PXYLP1: variants seen among roughly 807,000 people sequenced by gnomAD.
The protein encoded by PXYLP1 is acid phosphatase-like 2.
Under a neutral mutation model 37.9 loss-of-function variants are expected in PXYLP1, and 17 were observed. The observed-to-expected ratio is 0.45, with a 90% confidence interval of 0.31 to 0.67. The LOEUF (loss-of-function observed/expected upper bound fraction) is 0.67, where lower values mean the gene tolerates loss of function less well. Among genes scored for constraint, PXYLP1 ranks in the 30% least tolerant of loss-of-function variants. PXYLP1 has a pLI of 0.07. For missense variants in PXYLP1, 511 were observed against 612.0 expected, an observed-to-expected ratio of 0.84 and a Z score of 1.74; for synonymous variants, 221 against 232.2, an observed-to-expected ratio of 0.95 and a Z score of 0.44.
At chr3:141,255,773 T>G (rs1329479180) in intron 1 of PXYLP1, among the ~76,000 whole-genome samples, 1 of 152,192 alleles carries the variant, frequency 6.6e-6, no homozygotes, top group African/African-American at 2.4e-5. Context: ...AGGAGCCTCC[T>G]ACCTACCTGG....
chr3:141,249,963 G>GA (rs573041849), intron 1 of PXYLP1, among the ~76,000 whole-genome samples: 8 of 151,238 alleles, frequency 5.3e-5, no homozygotes, highest in Non-Finnish European at 8.8e-5. Context: ...TGTAGAGTTG[G>GA]AAAAAAAATC....
chr3:141,293,373 C>A lies in PXYLP1; in HGVS notation c.*168C>A. 1.5e-6 allele frequency: 1 copy of A among 680,312 alleles called. No homozygotes were observed. The allele number at this position is 680,312 out of a possible 1,614,324, so 42.1% of individuals were successfully genotyped here. On this transcript the variant is annotated 3_prime_UTR_variant, in exon 6 of 6. Transcript: ENST00000286353. Reference sequence around the variant, plus strand: ...GGGTTGAACAGTAAGCACATTGCTGCAATGTGGTACGTGAATTGCTTGGTA... The same window carrying A: ...GGGTTGAACAGTAAGCACATTGCTGAAATGTGGTACGTGAATTGCTTGGTA...
chr3:141,282,532 T>C (rs1941979232), intron 4 of PXYLP1, among the ~76,000 whole-genome samples: 1 of 151,212 alleles, frequency 6.6e-6, no homozygotes, highest in African/African-American at 2.5e-5. Context: ...CATTGTGTAT[T>C]GTCTGCTTCC....
At chr3:141,291,953 C>A (rs1233034149) in intron 5 of PXYLP1, among the ~76,000 whole-genome samples, 1 of 152,214 alleles carries the variant, frequency 6.6e-6, no homozygotes, top group Non-Finnish European at 1.5e-5. Flanking sequence ...TGACTTCGAA[C>A]CCTGAGACCA....
At chr3:141,265,666 G>A (rs1268701230) in intron 2 of PXYLP1, among the ~76,000 whole-genome samples, 1 of 152,190 alleles carries the variant, frequency 6.6e-6, no homozygotes, top group East Asian at 1.9e-4. Flanking sequence ...ATGGTATCGG[G>A]GGGACTCTAC....
At chr3:141,269,803 G>A (rs889219753) in intron 2 of PXYLP1, among the ~76,000 whole-genome samples, 9 of 152,186 alleles carry the variant, frequency 5.9e-5, no homozygotes, top group African/African-American at 2.2e-4. Context: ...TTTCTGTCTT[G>A]AGTGTGTGGT....
chr3:141,278,061 T>G (rs1385853896), intron 2 of PXYLP1, among the ~76,000 whole-genome samples: 1 of 152,144 alleles, frequency 6.6e-6, no homozygotes, highest in Non-Finnish European at 1.5e-5. Context: ...AGTGTGTGAG[T>G]TCTTCCTCCA....
intron 2 of PXYLP1, among the ~76,000 whole-genome samples, chr3:141,269,800 C>G (rs1050474979): frequency 3.3e-5 from 5 of 152,168 alleles, no homozygotes; most frequent in Non-Finnish European, 7.3e-5. Context: ...TAGTTTCTGT[C>G]TTGAGTGTGT....
At chr3:141,245,930 A>G (rs1940924614) in intron 1 of PXYLP1, among the ~76,000 whole-genome samples, 2 of 152,354 alleles carry the variant, frequency 1.3e-5, no homozygotes, top group Admixed American at 1.3e-4. Flanking sequence ...CAGAGCATTT[A>G]ATGTCAGTGG....
chr3:141,233,519 C>T (rs1377617723), intron 1 of PXYLP1, among the ~76,000 whole-genome samples: 2 of 148,668 alleles, frequency 1.3e-5, no homozygotes, highest in South Asian at 2.2e-4. Flanking sequence ...TGAAGATGCA[C>T]GGGACAGCCT....
intron 1 of PXYLP1, among the ~76,000 whole-genome samples, chr3:141,249,834 A>AAAT (rs1004013619): frequency 1.3e-5 from 2 of 152,078 alleles, no homozygotes; most frequent in Non-Finnish European, 2.9e-5. Flanking sequence ...CTATGTCAAA[A>AAAT]AATAATAATA....
At position 141,243,163 on chromosome 3, in the gene PXYLP1, T is replaced by TGCCTG. The variant is rs55734395; in HGVS notation, c.-54+11259_-54+11263dup. Among the ~76,000 whole-genome samples the TGCCTG allele has an allele frequency of 8.6e-3, 1,303 of 152,270 alleles. 9 individuals carry two copies. Among genetic ancestry groups the TGCCTG allele is most frequent in the Non-Finnish European group, 0.014 (923 of 68,004 alleles). On this transcript the variant is annotated intron_variant, in intron 1 of 5. Coordinates refer to ENST00000286353, the MANE Select transcript of PXYLP1 (RefSeq NM_001037172.3). ...ATAGCAGTGTAGGAGGGCCAGAGCCTGCCTGGCCTGGTCTACTGAACACAG... is the reference window on the plus strand; with the variant it reads ...ATAGCAGTGTAGGAGGGCCAGAGCCTGCCTGGCCTGGCCTGGTCTACTGAACACAG...
Position 141,278,361 on chromosome 3 carries a change from G to T in PXYLP1, c.99G>T (p.Ser33=), listed in dbSNP as rs754474855. The T allele has an allele frequency of 1.9e-6, 3 of 1,613,980 alleles. No individual in the cohort carries two copies. The highest frequency in any genetic ancestry group is 2.7e-5 in the African/African-American group (2 of 74,886). The change falls in exon 3 of 6, where the codon TCG becomes TCT. Residue 33 remains serine (S), a synonymous_variant. Transcript: ENST00000286353. ...TTTCAGTCCACCTGATCCCGGTGTC[G>T]ACTCCTAAGAATGGAATGAGTAGCA... The part of the protein sequence containing the change: ...SLQFFHLIPV[S]TPKNGMSSKS...
intron 4 of PXYLP1, among the ~76,000 whole-genome samples, chr3:141,281,960 C>T (rs962064234): frequency 6.6e-6 from 1 of 151,898 alleles, no homozygotes; most frequent in African/African-American, 2.4e-5. Context: ...GTGAGAGAGC[C>T]GGGCAGTGAA....
At chr3:141,251,633 G>A (rs1941142264) in intron 1 of PXYLP1, among the ~76,000 whole-genome samples, 1 of 152,232 alleles carries the variant, frequency 6.6e-6, no homozygotes, top group African/African-American at 2.4e-5. Context: ...GACAAGGACA[G>A]ATTGCTGGGT....
intron 2 of PXYLP1, among the ~76,000 whole-genome samples, chr3:141,263,335 T>A (rs1487516951): frequency 6.6e-6 from 1 of 152,272 alleles, no homozygotes; most frequent in African/African-American, 2.4e-5. Flanking sequence ...TGACTTGCTA[T>A]ATGCTAATTG....
intron 1 of PXYLP1, 87 bp from the exon 2 acceptor site, chr3:141,260,036 A>T (rs1462794793): frequency 2.2e-5 from 20 of 894,458 alleles, no homozygotes; most frequent in South Asian, 4.9e-5. Context: ...TCAGATTATT[A>T]TCAGTTGACA....
intron 5 of PXYLP1, among the ~76,000 whole-genome samples, chr3:141,288,895 CAATGAATG>C (rs548586683): frequency 1.3e-4 from 20 of 152,132 alleles, no homozygotes; most frequent in African/African-American, 4.8e-4. Flanking sequence ...GGCCCTGTCT[CAATGAATG>C]AATGAATGAA....
At position 141,279,515 on chromosome 3, in the gene PXYLP1, C is replaced by G; in HGVS notation, c.365+11C>G. On this transcript the variant is annotated intron_variant, in intron 4 of 5. Transcript: ENST00000286353. ...TCTGGTGGCTAACAGGTAAATTGCA[C>G]TTTTTCTAAAAGTCATTTTCAAGTG... 1 of 1,614,180 alleles carries G rather than the reference C, an allele frequency of 6.2e-7. No individual in the cohort carries two copies. Among genetic ancestry groups the G allele is most frequent in the Non-Finnish European group, 8.5e-7 (1 of 1,180,000 alleles).
Sources: allele counts gnomAD v4.1 joint callset (sites outside exome capture counted in the v4.1 genomes callset), GRCh38; gene constraint gnomAD v4.1.1; transcripts MANE v1.5; gene names NCBI Gene and HGNC (gene_info 2026-07-23, HGNC 2026-07-21).